KCNK2: variants seen among roughly 807,000 people sequenced by gnomAD.
KCNK2 encodes the protein potassium channel subfamily K member 2.
A neutral mutation model predicts 40.5 loss-of-function variants in KCNK2; 21 were observed. The observed-to-expected ratio is 0.52, with a 90% confidence interval of 0.37 to 0.75. The LOEUF (loss-of-function observed/expected upper bound fraction) is 0.75, where lower values mean the gene tolerates loss of function less well. Ranked by LOEUF, KCNK2 falls within the 30% of genes least tolerant of loss-of-function variation. The probability of loss-of-function intolerance (pLI) is 0.00; values close to 1 mark genes in which losing one functional copy is unlikely to be tolerated. For missense variants in KCNK2, 399 were observed against 531.6 expected (o/e 0.75, Z 2.45); for synonymous variants, 191 against 202.2 (o/e 0.94, Z 0.47).
Position 215,236,603 on chromosome 1 carries a change from A to G in KCNK2, c.*1458A>G, listed in dbSNP as rs1349551768. 6.6e-6 allele frequency: 1 copy of G among 152,556 alleles called. No homozygotes were observed. Among genetic ancestry groups the G allele is most frequent in the African/African-American group, 2.4e-5 (1 of 41,428 alleles). The allele number at this position is 152,556 out of a possible 1,614,324, so 9.5% of individuals were successfully genotyped here. A position where few individuals can be genotyped will look rare whatever the true frequency, so the allele number is the denominator to read the frequency against. On this transcript the variant is annotated 3_prime_UTR_variant, in exon 7 of 7. Coordinates refer to ENST00000444842, the MANE Select transcript of KCNK2 (RefSeq NM_001017425.3). ...AATTCTTTGGATGGTTCCAAGATTC[A>G]GAAAAAATTCAGTAAATGCACCCCG... is the stretch of plus-strand genomic sequence containing the variant.
intron 2 of KCNK2, among the ~76,000 whole-genome samples, chr1:215,104,854 T>C (rs1660369366): frequency 6.6e-6 from 1 of 151,786 alleles, no homozygotes; most frequent in Non-Finnish European, 1.5e-5. Flanking sequence ...GGCTATGGGG[T>C]TTTTTTTCTA....
intron 2 of KCNK2, among the ~76,000 whole-genome samples, chr1:215,107,662 G>A (rs1238298951): frequency 6.6e-6 from 1 of 151,900 alleles, no homozygotes; most frequent in African/African-American, 2.4e-5. Flanking sequence ...GTCTATGCAA[G>A]TCCTTAGCCC....
chr1:215,185,082 C>T (rs1425079688), intron 5 of KCNK2, among the ~76,000 whole-genome samples: 1 of 151,844 alleles, frequency 6.6e-6, no homozygotes, highest in Non-Finnish European at 1.5e-5. Flanking sequence ...AAATAAACAA[C>T]TTTATTTTTA....
At chr1:215,161,400 T>C (rs1346715486) in intron 3 of KCNK2, among the ~76,000 whole-genome samples, 1 of 152,068 alleles carries the variant, frequency 6.6e-6, no homozygotes, top group Non-Finnish European at 1.5e-5. Context: ...TTATGGGGCT[T>C]GCTCTTTCTC....
intron 2 of KCNK2, among the ~76,000 whole-genome samples, chr1:215,117,873 T>C (rs1661018490): frequency 6.6e-6 from 1 of 152,202 alleles, no homozygotes; most frequent in South Asian, 2.1e-4. Flanking sequence ...TGCTGCCCCT[T>C]AGTGGAACCT....
intron 1 of KCNK2, among the ~76,000 whole-genome samples, chr1:215,041,401 A>G (rs1377174): frequency 0.85 from 129,628 of 152,178 alleles, 55,494 homozygotes; most frequent in East Asian, 0.99. Context: ...GAGGAGCTCA[A>G]AAGTATAAAA....
At chr1:215,103,876 CT>C (rs928204020) in intron 2 of KCNK2, among the ~76,000 whole-genome samples, 1 of 151,934 alleles carries the variant, frequency 6.6e-6, no homozygotes, top group Non-Finnish European at 1.5e-5. Flanking sequence ...TCGTTTTCCC[CT>C]GATTCAGGAT....
chr1:215,043,115 TTAGA>T (rs776269136), intron 1 of KCNK2, among the ~76,000 whole-genome samples: 1 of 152,180 alleles, frequency 6.6e-6, no homozygotes, highest in Non-Finnish European at 1.5e-5. Context: ...AAGTGACTTC[TTAGA>T]TAGCTATTAG....
chr1:215,207,760 A>C (rs999142046), intron 6 of KCNK2, among the ~76,000 whole-genome samples: 1 of 152,220 alleles, frequency 6.6e-6, no homozygotes, highest in African/African-American at 2.4e-5. Flanking sequence ...CAACACAAGC[A>C]TATGGAAAAA....
chr1:215,203,735 A>G (rs937931330), intron 6 of KCNK2, among the ~76,000 whole-genome samples: 1 of 152,222 alleles, frequency 6.6e-6, no homozygotes, highest in Admixed American at 6.5e-5. Flanking sequence ...TAAAAAAATG[A>G]ATATAGAAAT....
intron 1 of KCNK2, chr1:215,083,652 G>C (rs1462602889): frequency 5.0e-6 from 3 of 603,702 alleles, no homozygotes; most frequent in Non-Finnish European, 8.8e-6. Flanking sequence ...CGGGGTTTTT[G>C]CATCTGCCTG....
At chr1:215,064,482 G>A (rs114359971) in intron 1 of KCNK2, among the ~76,000 whole-genome samples, 11 of 152,154 alleles carry the variant, frequency 7.2e-5, no homozygotes, top group Admixed American at 2.6e-4. Context: ...TCGGTGATGA[G>A]ACTGCAGTAT....
intron 1 of KCNK2, among the ~76,000 whole-genome samples, chr1:215,009,257 A>G (rs1027575864): frequency 6.6e-6 from 1 of 152,142 alleles, no homozygotes; most frequent in Non-Finnish European, 1.5e-5. Flanking sequence ...ACTTGGGCAG[A>G]ACCACCATTT....
At position 215,097,384 on chromosome 1, in the gene KCNK2, C is replaced by T. The variant is rs539545502; in HGVS notation, c.357+10706C>T. On this transcript the variant is annotated intron_variant, in intron 2 of 6. Transcript: ENST00000444842. ...CTTCCATTCTGATACCTTCTCTTCC[C>T]CTCTCTTTCTCTTCCCTCCCCCATT... Among the ~76,000 whole-genome samples the T allele has an allele frequency of 4.6e-5, 7 of 151,490 alleles. No individual in the cohort carries two copies. The South Asian group carries it at 8.3e-4, about 18-fold the overall frequency.
intron 2 of KCNK2, among the ~76,000 whole-genome samples, chr1:215,114,533 G>T (rs1228451513): frequency 2.0e-5 from 3 of 152,158 alleles, no homozygotes; most frequent in East Asian, 1.9e-4. Context: ...GCTATAACTG[G>T]TGAGTGTATG....
At chr1:215,071,854 C>A (rs963704091) in intron 1 of KCNK2, among the ~76,000 whole-genome samples, 1 of 151,928 alleles carries the variant, frequency 6.6e-6, no homozygotes, top group Admixed American at 6.6e-5. Flanking sequence ...AGTGATCCAG[C>A]GGGGAGGGTA....
intron 2 of KCNK2, among the ~76,000 whole-genome samples, chr1:215,089,030 A>C (rs1659579654): frequency 2.6e-5 from 4 of 152,238 alleles, no homozygotes; most frequent in Admixed American, 2.0e-4. Context: ...CAATGCCATG[A>C]CTTCAAGGAT....
chr1:215,195,731 A>G (rs1664837014), intron 6 of KCNK2, among the ~76,000 whole-genome samples: 4 of 152,206 alleles, frequency 2.6e-5, no homozygotes, highest in Admixed American at 2.6e-4. Flanking sequence ...ATTGATTTTG[A>G]AATTCTATTG....
intron 1 of KCNK2, among the ~76,000 whole-genome samples, chr1:215,014,363 A>G (rs892191746): frequency 2.0e-5 from 3 of 151,792 alleles, no homozygotes; most frequent in Non-Finnish European, 2.9e-5. Context: ...GCATTCATCC[A>G]TAGTTTTCTT....
Sources: allele counts gnomAD v4.1 joint callset (sites outside exome capture counted in the v4.1 genomes callset), GRCh38; gene constraint gnomAD v4.1.1; transcripts MANE v1.5; gene names NCBI Gene and HGNC (gene_info 2026-07-23, HGNC 2026-07-21).